Variants in SERPINI2 observed in about 807,000 individuals in gnomAD.
SERPINI2 encodes the protein serpin I2.
SERPINI2 carries 48 observed loss-of-function variants against 47.3 expected under a neutral mutation model. The observed-to-expected ratio is 1.02, with a 90% CI of 0.81 to 1.29. The LOEUF (loss-of-function observed/expected upper bound fraction) is 1.29. SERPINI2 is among the 50% of genes most tolerant of loss of function. SERPINI2 has a pLI of 0.00. For synonymous variants in SERPINI2, 135 were observed against 149.3 expected (o/e 0.90, Z 0.70); for missense variants, 448 against 456.9 (o/e 0.98, Z 0.18).
chr3:167,447,412 CT>C (rs1205955490), intron 7 of SERPINI2, among the ~76,000 whole-genome samples: 3 of 152,136 alleles, frequency 2.0e-5, no homozygotes, highest in East Asian at 1.9e-4. Flanking sequence ...AATACTTGGA[CT>C]TTTTTTGCTT....
chr3:167,459,081 T>TTTG (rs1168741271), intron 5 of SERPINI2, among the ~76,000 whole-genome samples: 1 of 150,846 alleles, frequency 6.6e-6, no homozygotes, highest in African/African-American at 2.4e-5. Flanking sequence ...TTTTTTTGTT[T>TTTG]TTTTTTTTTT....
chr3:167,465,896 A>G (rs1470619389), intron 3 of SERPINI2, among the ~76,000 whole-genome samples: 3 of 152,154 alleles, frequency 2.0e-5, no homozygotes, highest in Non-Finnish European at 2.9e-5. Context: ...GAAATATGAG[A>G]CTGTTTTAGG....
intron 3 of SERPINI2, 73 bp from the exon 4 acceptor site, chr3:167,465,746 T>C (rs973569487): frequency 4.2e-5 from 56 of 1,329,144 alleles, no homozygotes; most frequent in Non-Finnish European, 5.6e-5. Context: ...TTGAATAGAA[T>C]TAAAGCAAAA....
At chr3:167,444,548 C>T (rs1259694722) in intron 8 of SERPINI2, among the ~76,000 whole-genome samples, 1 of 152,122 alleles carries the variant, frequency 6.6e-6, no homozygotes, top group Non-Finnish European at 1.5e-5. Flanking sequence ...CTTCATTAAT[C>T]TCAATGATTT....
chr3:167,447,772 C>A (rs988040179), intron 7 of SERPINI2, among the ~76,000 whole-genome samples: 2 of 152,160 alleles, frequency 1.3e-5, no homozygotes, highest in African/African-American at 4.8e-5. Flanking sequence ...CATGATCCAG[C>A]AATTTCATCC....
At chr3:167,465,558 T>C in exon 4 of SERPINI2, 1 of 1,613,952 alleles carries the variant, frequency 6.2e-7, no homozygotes, top group Non-Finnish European at 8.5e-7. Flanking sequence ...TTATCAGCTG[T>C]GTGTCCTCTT....
At chr3:167,462,338 G>A (rs975404702) in intron 5 of SERPINI2, among the ~76,000 whole-genome samples, 2 of 152,304 alleles carry the variant, frequency 1.3e-5, no homozygotes, top group Non-Finnish European at 2.9e-5. Flanking sequence ...CACAGTTGCA[G>A]AGGCTAGAGG....
At chr3:167,446,517 C>A (rs1219995341) in intron 7 of SERPINI2, 36 bp from the exon 8 acceptor site, 1 of 1,300,002 alleles carries the variant, frequency 7.7e-7, no homozygotes, top group Non-Finnish European at 1.1e-6. Flanking sequence ...TAGATACTTG[C>A]ATTAAAAGAT....
intron 5 of SERPINI2, among the ~76,000 whole-genome samples, chr3:167,458,676 G>A (rs1749884192): frequency 1.3e-5 from 2 of 152,096 alleles, no homozygotes; most frequent in African/African-American, 4.8e-5. Flanking sequence ...CTTGCCCACA[G>A]TAGAATCCCA....
chr3:167,467,628 GC>G (rs1284316549), intron 2 of SERPINI2, among the ~76,000 whole-genome samples: 2 of 152,158 alleles, frequency 1.3e-5, no homozygotes, highest in African/African-American at 4.8e-5. Context: ...AATCTTATTT[GC>G]ATAACGTGAG....
intron 5 of SERPINI2, among the ~76,000 whole-genome samples, chr3:167,456,356 C>T (rs562140846): frequency 2.0e-5 from 3 of 152,026 alleles, no homozygotes; most frequent in Admixed American, 6.5e-5. Context: ...CTGGTCACAA[C>T]GTATCTATTC....
chr3:167,449,188 T>A, intron 7 of SERPINI2, 128 bp downstream of exon 7: 1 of 676,920 alleles, frequency 1.5e-6, no homozygotes, highest in Non-Finnish European at 2.6e-6. Context: ...TTTCCTTTTT[T>A]TCCTCCTGAA....
exon 2 of SERPINI2, chr3:167,471,741 C>T (rs1201426863): frequency 1.9e-6 from 3 of 1,613,624 alleles, no homozygotes; most frequent in Non-Finnish European, 2.5e-6. Context: ...TGATAAAGAT[C>T]CACTGCAAAT....
chr3:167,473,025 A>ATCAT (rs1750381851), intron 1 of SERPINI2, among the ~76,000 whole-genome samples: 1 of 151,738 alleles, frequency 6.6e-6, no homozygotes, highest in African/African-American at 2.4e-5. Flanking sequence ...TGTTTTGCAG[A>ATCAT]TCATTAAGGG....
chr3:167,474,365 C>T (rs1023873611), upstream of SERPINI2, among the ~76,000 whole-genome samples: 1 of 151,656 alleles, frequency 6.6e-6, no homozygotes, highest in Admixed American at 6.6e-5. Context: ...CTTTTTGTTT[C>T]TCACAGGACT....
upstream of SERPINI2, among the ~76,000 whole-genome samples, chr3:167,474,640 C>A (rs1750438834): frequency 6.6e-6 from 1 of 151,482 alleles, no homozygotes; most frequent in Non-Finnish European, 1.5e-5. Flanking sequence ...ATGGATTTGC[C>A]AAAATATATC....
intron 3 of SERPINI2, 36 bp downstream of exon 3, chr3:167,467,019 G>T: frequency 6.8e-7 from 1 of 1,474,886 alleles, no homozygotes; most frequent in Non-Finnish European, 9.4e-7. Flanking sequence ...TGAATACAAT[G>T]GCAAATAATA....
chr3:167,444,049 C>T (rs140348848), intron 8 of SERPINI2, among the ~76,000 whole-genome samples: 75 of 152,100 alleles, frequency 4.9e-4, no homozygotes, highest in South Asian at 2.7e-3. Flanking sequence ...AAGCTAATGG[C>T]GAGAAAAAAA....
chr3:167,449,023 G>C (rs1271718600), intron 7 of SERPINI2, among the ~76,000 whole-genome samples: 1 of 152,180 alleles, frequency 6.6e-6, no homozygotes, highest in Non-Finnish European at 1.5e-5. Flanking sequence ...GAGCCCTAAA[G>C]TTTTATCCAC....
Sources: allele counts gnomAD v4.1 joint callset (sites outside exome capture counted in the v4.1 genomes callset), GRCh38; gene constraint gnomAD v4.1.1; transcripts MANE v1.5; gene names NCBI Gene and HGNC (gene_info 2026-07-23, HGNC 2026-07-21).